NRK: variants seen among roughly 807,000 people sequenced by gnomAD.
NRK encodes Nik related kinase.
NRK carries 67 observed loss-of-function variants against 125.2 expected under a neutral mutation model. That is an observed-to-expected ratio of 0.54 (90% CI 0.44 to 0.66). The LOEUF is 0.66. Ranked by LOEUF, NRK falls within the 30% of genes least tolerant of loss-of-function variation. The probability of loss-of-function intolerance (pLI) is 0.00; values close to 1 mark genes in which losing one functional copy is unlikely to be tolerated. For missense variants in NRK, 1,224 were observed against 1,192.9 expected, an observed-to-expected ratio of 1.03 and a Z score of -0.38; for synonymous variants, 458 against 429.0, an observed-to-expected ratio of 1.07 and a Z score of -0.84.
intron 19 of NRK, among the ~76,000 whole-genome samples, chrX:105,930,150 T>C (rs2040576303): frequency 8.9e-6 from 1 of 111,913 alleles, no homozygotes. Flanking sequence ...TTTCAGCTTT[T>C]ATTTTATTAA....
chrX:105,927,513 A>T (rs1322243500), intron 19 of NRK, among the ~76,000 whole-genome samples: 1 of 111,325 alleles, frequency 9.0e-6, no homozygotes, highest in African/African-American at 3.3e-5. Flanking sequence ...TCCAGAACTA[A>T]GTTGAATAAG....
At chrX:105,823,610 CTCA>C (rs1212273593) in intron 1 of NRK, among the ~76,000 whole-genome samples, 1 of 109,582 alleles carries the variant, frequency 9.1e-6, no homozygotes, top group East Asian at 2.9e-4. Context: ...CATTTGTGGG[CTCA>C]TCTTTTCCCG....
chrX:105,846,011 C>T (rs2039396549), intron 2 of NRK, among the ~76,000 whole-genome samples: 2 of 111,118 alleles, frequency 1.8e-5, no homozygotes, highest in Admixed American at 1.9e-4. Context: ...CAAGGTCACT[C>T]TGGGTTTATT....
intron 13 of NRK, among the ~76,000 whole-genome samples, chrX:105,912,434 C>G (rs1466808530): frequency 9.0e-6 from 1 of 110,628 alleles, no homozygotes; most frequent in Non-Finnish European, 1.9e-5. Context: ...TAGCATTTCT[C>G]AGATTCTGAA....
chrX:105,865,697 A>G (rs1373418449), intron 2 of NRK, among the ~76,000 whole-genome samples: 1 of 111,728 alleles, frequency 9.0e-6, no homozygotes, highest in African/African-American at 3.3e-5. Context: ...AATTGGAGTA[A>G]AGAAATAAAT....
intron 2 of NRK, among the ~76,000 whole-genome samples, chrX:105,864,196 G>T (rs773725541): frequency 3.9e-4 from 44 of 111,443 alleles, no homozygotes; most frequent in Non-Finnish European, 5.5e-4. Context: ...TCTCAGTGCT[G>T]CTTAGTATCA....
intron 13 of NRK, among the ~76,000 whole-genome samples, chrX:105,910,529 C>T (rs191790616): frequency 3.0e-4 from 34 of 112,307 alleles, no homozygotes; most frequent in Admixed American, 2.5e-3. Context: ...GTTAGAAGAC[C>T]AACAGGTTCG....
chrX:105,893,792 T>G, intron 5 of NRK, 40 bp from the exon 6 acceptor site: 1 of 834,622 alleles, frequency 1.2e-6, no homozygotes, highest in Non-Finnish European at 1.8e-6. Flanking sequence ...TTTCAGAAAA[T>G]TGGACACTAA....
At chrX:105,829,980 A>G (rs1294844395) in intron 1 of NRK, among the ~76,000 whole-genome samples, 2 of 110,484 alleles carry the variant, frequency 1.8e-5, no homozygotes, top group East Asian at 5.7e-4. Flanking sequence ...TAAGTAATCT[A>G]AACTTTGTAT....
intron 2 of NRK, among the ~76,000 whole-genome samples, chrX:105,833,316 T>C (rs1569286901): frequency 2.7e-5 from 3 of 111,797 alleles, no homozygotes; most frequent in Admixed American, 9.6e-5. Flanking sequence ...ATTTGTGCGA[T>C]CTAGGTCAGT....
At chrX:105,876,201 G>C (rs1406561913) in intron 2 of NRK, among the ~76,000 whole-genome samples, 1 of 106,238 alleles carries the variant, frequency 9.4e-6, no homozygotes, top group Non-Finnish European at 1.9e-5. Flanking sequence ...GAGATCTGTT[G>C]CACATCATGG....
rs747472335 is a variant in NRK at position 105,923,281 on chromosome X, A to T, written c.2774A>T (p.Asp925Val). 1 of 1,201,235 alleles carries T rather than the reference A, an allele frequency of 8.3e-7. No homozygotes were observed. Among genetic ancestry groups the T allele is most frequent in the East Asian group, 3.0e-5 (1 of 33,643 alleles). Reference sequence around the variant, plus strand: ...GATGGTGATTATGTTGAACTCTATGATGCCAGTGCTGATACTGATGGTGAT... The same window carrying T: ...GATGGTGATTATGTTGAACTCTATGTTGCCAGTGCTGATACTGATGGTGAT... ...EEDGDYVELYDASADTDGDDD... is the reference protein window; with the variant it reads ...EEDGDYVELYVASADTDGDDD... The change falls in exon 18 of 29, where the codon GAT becomes GTT. Residue 925 changes from aspartate (D) to valine (V), a missense_variant. Physicochemically the swap from Asp to Val is radical, Grantham distance 152. Transcript: ENST00000243300.
At chrX:105,828,813 GTAATA>G (rs2039149094) in intron 1 of NRK, among the ~76,000 whole-genome samples, 1 of 111,481 alleles carries the variant, frequency 9.0e-6, no homozygotes, top group Admixed American at 9.5e-5. Flanking sequence ...AATAATAAGG[GTAATA>G]TAATGATCTA....
At chrX:105,828,110 C>T (rs2039139216) in intron 1 of NRK, among the ~76,000 whole-genome samples, 1 of 111,954 alleles carries the variant, frequency 8.9e-6, no homozygotes, top group Admixed American at 9.5e-5. Context: ...AAGCATAGTC[C>T]TTCTCCTCTT....
intron 3 of NRK, 43 bp downstream of exon 3, chrX:105,880,298 G>C: frequency 1.8e-6 from 1 of 569,524 alleles, no homozygotes. Context: ...TTAGTGGACT[G>C]TGTTCCTGGG....
At chrX:105,879,755 G>A (rs2039862156) in intron 2 of NRK, among the ~76,000 whole-genome samples, 1 of 111,063 alleles carries the variant, frequency 9.0e-6, no homozygotes, top group South Asian at 3.7e-4. Flanking sequence ...AAAGATGTCT[G>A]CATAGTATCA....
intron 4 of NRK, among the ~76,000 whole-genome samples, chrX:105,887,215 T>G (rs763506055): frequency 1.2e-4 from 13 of 112,412 alleles, no homozygotes; most frequent in South Asian, 1.1e-3. Flanking sequence ...CTAGAATATA[T>G]GAAGAGCTCT....
Position 105,851,360 on chromosome X carries a change from G to A in NRK, c.123+20241G>A, listed in dbSNP as rs144303027. On this transcript the variant is annotated intron_variant, in intron 2 of 28. Coordinates refer to ENST00000243300, the MANE Select transcript of NRK (RefSeq NM_198465.4). ...TTTTCTCAGATGGTGAAAAAATTAC[G>A]CATATGTATTGGGAAGGAAGAGATT... Among the ~76,000 whole-genome samples the A allele has an allele frequency of 2.9e-4, 32 of 111,898 alleles. No individual in the cohort carries two copies. The East Asian group carries it at 8.2e-3, about 29-fold the overall frequency.
intron 21 of NRK, among the ~76,000 whole-genome samples, 191 bp from the exon 22 acceptor site, chrX:105,937,248 A>G (rs1313127343): frequency 9.1e-6 from 1 of 110,492 alleles, no homozygotes; most frequent in Non-Finnish European, 1.9e-5. Context: ...TCATCTTTAC[A>G]TAGATCAGCA....
Sources: gnomAD v4.1 joint callset for allele counts (sites outside exome capture counted in the v4.1 genomes callset) on GRCh38, gnomAD v4.1.1 for gene constraint, MANE v1.5 for transcripts, NCBI Gene and HGNC (gene_info 2026-07-23, HGNC 2026-07-21) for gene names.